The following ASAP2 variants were observed in gnomAD, a reference collection of about 807,000 sequenced individuals.
ASAP2 encodes the protein arf-GAP with SH3 domain, ANK repeat and PH domain-containing protein 2.
In ASAP2, 45 loss-of-function variants were observed where a neutral mutation model predicts 131.4. The observed-to-expected ratio is 0.34, with a 90% confidence interval of 0.27 to 0.44. The LOEUF (loss-of-function observed/expected upper bound fraction) is 0.44, where lower values mean the gene tolerates loss of function less well. Among genes scored for constraint, ASAP2 ranks in the 20% least tolerant of loss-of-function variants. ASAP2 has a pLI of 1.00. For synonymous variants in ASAP2, 510 were observed against 503.0 expected, an observed-to-expected ratio of 1.01 and a Z score of -0.19; for missense variants, 1,011 against 1,297.0, an observed-to-expected ratio of 0.78 and a Z score of 3.39.
chr2:9,384,725 G>C (rs1487094028), intron 20 of ASAP2, among the ~76,000 whole-genome samples: 1 of 152,222 alleles, frequency 6.6e-6, no homozygotes, highest in Non-Finnish European at 1.5e-5. Context: ...GCCCTCCCTG[G>C]GTGCCACCCT....
At chr2:9,214,802 A>C (rs1294603118) in intron 1 of ASAP2, among the ~76,000 whole-genome samples, 19 of 151,028 alleles carry the variant, frequency 1.3e-4, no homozygotes, top group Non-Finnish European at 1.3e-4. Flanking sequence ...AAAAAAAGTG[A>C]ACAGGACTAG....
chr2:9,328,008 G>C, intron 7 of ASAP2, 97 bp downstream of exon 7: 1 of 834,136 alleles, frequency 1.2e-6, no homozygotes, highest in Non-Finnish European at 1.8e-6. Flanking sequence ...ACACCACTTA[G>C]AAGTCTATAG....
intron 15 of ASAP2, among the ~76,000 whole-genome samples, chr2:9,360,241 AG>A (rs1672994017): frequency 6.6e-6 from 1 of 152,226 alleles, no homozygotes; most frequent in South Asian, 2.1e-4. Flanking sequence ...TGTATTTTGC[AG>A]GCCACTTTAT....
intron 5 of ASAP2, 139 bp downstream of exon 5, chr2:9,320,476 A>G: frequency 1.6e-6 from 1 of 640,512 alleles, no homozygotes. Context: ...GCTGTGGTTC[A>G]TTTTGATGAC....
chr2:9,370,911 G>A (rs1372734452), intron 16 of ASAP2, among the ~76,000 whole-genome samples: 3 of 152,184 alleles, frequency 2.0e-5, no homozygotes, highest in Non-Finnish European at 4.4e-5. Context: ...CTGTGCAGTT[G>A]ACACCTGCTC....
intron 1 of ASAP2, among the ~76,000 whole-genome samples, chr2:9,275,339 G>A (rs1483712884): frequency 6.6e-6 from 1 of 152,088 alleles, no homozygotes; most frequent in Non-Finnish European, 1.5e-5. Flanking sequence ...CAAAGCACTG[G>A]TATTATAGTA....
At chr2:9,342,158 G>A (rs977119689) in intron 9 of ASAP2, among the ~76,000 whole-genome samples, 6 of 152,218 alleles carry the variant, frequency 3.9e-5, no homozygotes, top group African/African-American at 7.2e-5. Flanking sequence ...AAATTGACAA[G>A]CTGATCCTGA....
intron 1 of ASAP2, among the ~76,000 whole-genome samples, chr2:9,242,636 G>A (rs1369153423): frequency 6.6e-6 from 1 of 152,226 alleles, no homozygotes; most frequent in Non-Finnish European, 1.5e-5. Flanking sequence ...ACCTTTCAAA[G>A]GAACGCAGTC....
intron 2 of ASAP2, among the ~76,000 whole-genome samples, chr2:9,284,211 C>T (rs765602689): frequency 8.5e-5 from 13 of 152,178 alleles, no homozygotes; most frequent in South Asian, 4.1e-4. Context: ...GTGGAGGAGA[C>T]GTTATTCTGT....
At chr2:9,306,025 T>C (rs1008588448) in intron 3 of ASAP2, among the ~76,000 whole-genome samples, 12 of 116,922 alleles carry the variant, frequency 1.0e-4, no homozygotes, top group African/African-American at 3.8e-4. Context: ...GTGGTAGATA[T>C]GGGATGGAGG....
intron 1 of ASAP2, among the ~76,000 whole-genome samples, chr2:9,239,718 G>A (rs1252509561): frequency 6.6e-6 from 1 of 152,018 alleles, no homozygotes; most frequent in African/African-American, 2.4e-5. Flanking sequence ...TGAAACCACT[G>A]TAATGGCAGC....
In ASAP2 at chr2:9,377,275, T is replaced by C. The variant is rs996219695; in HGVS notation, c.1832+282T>C. On this transcript the variant is annotated intron_variant, in intron 18 of 27. Coordinates refer to ENST00000281419, the MANE Select transcript of ASAP2 (RefSeq NM_003887.3). ...ATGGCTACTGAACTTGGGGACCCCA[T>C]GACCACCCTCTGTGCACAGGGGCCG... 7.9e-5 allele frequency among the ~76,000 whole-genome samples: 12 copies of C among 152,336 alleles called. 2 individuals are homozygous for C. Among genetic ancestry groups the C allele is most frequent in the Admixed American group, 7.8e-4 (12 of 15,304 alleles).
chr2:9,215,852 G>A (rs563119020), intron 1 of ASAP2, among the ~76,000 whole-genome samples: 48 of 152,254 alleles, frequency 3.2e-4, no homozygotes, highest in African/African-American at 1.1e-3. Context: ...CGCTCTTGGC[G>A]GGGAGCCATC....
intron 3 of ASAP2, among the ~76,000 whole-genome samples, chr2:9,304,052 T>A (rs935138134): frequency 2.0e-5 from 3 of 152,182 alleles, no homozygotes; most frequent in African/African-American, 7.2e-5. Flanking sequence ...GGACAGCCAC[T>A]GGCAGCCTGC....
chr2:9,387,085 G>A (rs1221542149), intron 21 of ASAP2, among the ~76,000 whole-genome samples: 1 of 150,052 alleles, frequency 6.7e-6, no homozygotes, highest in Non-Finnish European at 1.5e-5. Context: ...GGGTGGGGGG[G>A]CGCCTGTAGT....
At chr2:9,215,281 A>G (rs1661939315) in intron 1 of ASAP2, among the ~76,000 whole-genome samples, 1 of 152,174 alleles carries the variant, frequency 6.6e-6, no homozygotes, top group African/African-American at 2.4e-5. Flanking sequence ...GTTGACTGAA[A>G]TGTCACTATG....
chr2:9,288,485 C>T (rs1480100893), intron 2 of ASAP2, among the ~76,000 whole-genome samples: 1 of 151,966 alleles, frequency 6.6e-6, no homozygotes, highest in Non-Finnish European at 1.5e-5. Context: ...GTGGGGGCAG[C>T]GTGTGTTTTT....
At chr2:9,270,715 C>T (rs192052059) in intron 1 of ASAP2, among the ~76,000 whole-genome samples, 10 of 151,510 alleles carry the variant, frequency 6.6e-5, no homozygotes, top group East Asian at 5.8e-4. Flanking sequence ...CCCACTTCCA[C>T]CCCACCTACC....
At chr2:9,350,727 C>A (rs2148629351) in intron 11 of ASAP2, 81 bp from the exon 12 acceptor site, 1 of 1,197,376 alleles carries the variant, frequency 8.4e-7, no homozygotes, top group Non-Finnish European at 1.2e-6. Context: ...GTTGCTGTAT[C>A]TCGTGAGGAT....
Sources: gnomAD v4.1 joint callset for allele counts (sites outside exome capture counted in the v4.1 genomes callset) on GRCh38, gnomAD v4.1.1 for gene constraint, MANE v1.5 for transcripts, NCBI Gene and HGNC (gene_info 2026-07-23, HGNC 2026-07-21) for gene names.